Variants in ASTN2 observed in about 807,000 individuals in gnomAD.
ASTN2 encodes the protein astrotactin-2.
Under a neutral mutation model 139.8 loss-of-function variants are expected in ASTN2, and 54 were observed. The ratio of observed to expected loss-of-function variants is 0.39; its 90% CI spans 0.31 to 0.48. ASTN2 has a LOEUF of 0.48. Ranked by LOEUF, ASTN2 falls within the 20% of genes least tolerant of loss-of-function variation. The pLI is 0.95. For missense variants in ASTN2, 1,565 were observed against 1,725.1 expected (o/e 0.91, Z 1.64); for synonymous variants, 756 against 719.5 (o/e 1.05, Z -0.81).
At chr9:116,866,911 AAAGAC>A (rs1424563752) in intron 10 of ASTN2, among the ~76,000 whole-genome samples, 30 of 151,538 alleles carry the variant, frequency 2.0e-4, no homozygotes, top group African/African-American at 6.8e-4. Context: ...AAAAAAAAAA[AAAGAC>A]AGAGGGACCT....
intron 6 of ASTN2, among the ~76,000 whole-genome samples, chr9:117,017,986 CA>C (rs1392626582): frequency 6.6e-6 from 1 of 150,752 alleles, no homozygotes; most frequent in Non-Finnish European, 1.5e-5. Context: ...ACCTTGCTCT[CA>C]CTTACCCAGG....
At chr9:117,086,655 T>G (rs536255358) in intron 5 of ASTN2, among the ~76,000 whole-genome samples, 1 of 152,230 alleles carries the variant, frequency 6.6e-6, no homozygotes, top group African/African-American at 2.4e-5. Context: ...TGGCTCTTCC[T>G]CCTCCTGTCC....
chr9:117,270,603 A>G (rs1049467322), intron 2 of ASTN2, among the ~76,000 whole-genome samples: 2 of 152,208 alleles, frequency 1.3e-5, no homozygotes, highest in African/African-American at 2.4e-5. Flanking sequence ...TGTACCTGGC[A>G]TAAGGATGTT....
At chr9:117,285,282 C>CTT (rs57546484) in intron 2 of ASTN2, among the ~76,000 whole-genome samples, 1,466 of 130,088 alleles carry the variant, frequency 0.011, 28 homozygotes, top group South Asian at 0.091. Flanking sequence ...TTGTAAAAAG[C>CTT]TTTTTTTTTT....
intron 1 of ASTN2, among the ~76,000 whole-genome samples, chr9:117,359,908 GAA>G (rs1829646618): frequency 6.6e-6 from 1 of 152,064 alleles, no homozygotes; most frequent in Non-Finnish European, 1.5e-5. Flanking sequence ...AGTGGATGAA[GAA>G]AACATATAGA....
intron 1 of ASTN2, among the ~76,000 whole-genome samples, chr9:117,304,931 GA>G (rs780554845): frequency 7.9e-5 from 12 of 152,174 alleles, no homozygotes; most frequent in Admixed American, 1.3e-4. Context: ...CTGCATCAGA[GA>G]AAGATGAAAA....
intron 19 of ASTN2, among the ~76,000 whole-genome samples, chr9:116,501,387 C>G (rs576079170): frequency 3.2e-4 from 48 of 152,232 alleles, no homozygotes; most frequent in Admixed American, 2.1e-3. Flanking sequence ...TGGGTTGGTT[C>G]CAAGTCTTTG....
chr9:116,942,806 C>G (rs1329523893), intron 10 of ASTN2, among the ~76,000 whole-genome samples: 1 of 152,190 alleles, frequency 6.6e-6, no homozygotes, highest in African/African-American at 2.4e-5. Context: ...AAAGCAAGGA[C>G]TTCAGGGAAC....
At chr9:116,743,656 C>A (rs1216349639) in intron 13 of ASTN2, among the ~76,000 whole-genome samples, 2 of 152,080 alleles carry the variant, frequency 1.3e-5, no homozygotes, top group Admixed American at 6.5e-5. Context: ...CAGGGGTGTG[C>A]CACCCCACCG....
At chr9:117,096,795 G>T (rs907253235) in intron 4 of ASTN2, among the ~76,000 whole-genome samples, 1 of 152,140 alleles carries the variant, frequency 6.6e-6, no homozygotes, top group African/African-American at 2.4e-5. Context: ...TTTTATGCAG[G>T]AGCGAAGATT....
intron 19 of ASTN2, among the ~76,000 whole-genome samples, chr9:116,589,485 G>C (rs1188273239): frequency 6.6e-6 from 1 of 152,192 alleles, no homozygotes. Context: ...GTTGTGGAGA[G>C]AGAAGGGAGA....
At chr9:117,227,087 T>C (rs1832738175) in intron 2 of ASTN2, among the ~76,000 whole-genome samples, 1 of 152,060 alleles carries the variant, frequency 6.6e-6, no homozygotes, top group African/African-American at 2.4e-5. Context: ...GATGCTGGCT[T>C]CTTTAGAAAT....
At chr9:116,610,178 A>C (rs544995042) in intron 19 of ASTN2, among the ~76,000 whole-genome samples, 1 of 152,354 alleles carries the variant, frequency 6.6e-6, no homozygotes, top group East Asian at 1.9e-4. Context: ...ATTAAATATA[A>C]ATGGTCTAAA....
At chr9:117,241,341 CA>C (rs1833199580) in intron 2 of ASTN2, among the ~76,000 whole-genome samples, 1 of 152,128 alleles carries the variant, frequency 6.6e-6, no homozygotes, top group Non-Finnish European at 1.5e-5. Flanking sequence ...AGTTAGAGGT[CA>C]TTTTGACATT....
rs564420695 is a variant in ASTN2 at position 116,496,228 on chromosome 9, G to T, written c.3356-8728C>A. 1.2e-4 allele frequency among the ~76,000 whole-genome samples: 18 copies of T among 152,270 alleles called. No individual in the cohort carries two copies. In the East Asian group the frequency reaches 3.3e-3, roughly 28 times the overall value. ...CCTGCTGTAAACCCTGTGAGTAAGA[G>T]AATTTGTTCACTTAGAATGGTGTCT... On this transcript the variant is annotated intron_variant, in intron 19 of 22. Transcript: ENST00000313400.
chr9:116,639,975 A>G (rs556383285), intron 17 of ASTN2, among the ~76,000 whole-genome samples: 55 of 152,246 alleles, frequency 3.6e-4, no homozygotes, highest in African/African-American at 1.3e-3. Flanking sequence ...TGCATCAGGC[A>G]CTTTACTATC....
At chr9:117,206,374 A>C (rs577014420) in intron 3 of ASTN2, among the ~76,000 whole-genome samples, 64 of 152,330 alleles carry the variant, frequency 4.2e-4, no homozygotes, top group Middle Eastern at 3.4e-3. Context: ...TCCCTACTAC[A>C]GGAGAATTCC....
At chr9:116,610,439 T>C (rs113548651) in intron 19 of ASTN2, among the ~76,000 whole-genome samples, 1,697 of 152,218 alleles carry the variant, frequency 0.011, 29 homozygotes, top group African/African-American at 0.039. Context: ...ACCCCATCTC[T>C]ACTAAAAATA....
intron 2 of ASTN2, among the ~76,000 whole-genome samples, chr9:117,285,771 C>T (rs79384812): frequency 0.035 from 5,333 of 152,248 alleles, 143 homozygotes; most frequent in South Asian, 0.13. Context: ...TTTGTCCTGT[C>T]GTGCATGAGA....
Sources: allele counts gnomAD v4.1 joint callset (sites outside exome capture counted in the v4.1 genomes callset), GRCh38; gene constraint gnomAD v4.1.1; transcripts MANE v1.5; gene names NCBI Gene and HGNC (gene_info 2026-07-23, HGNC 2026-07-21).